PSMD1: variants seen among roughly 807,000 people sequenced by gnomAD.
The protein encoded by PSMD1 is 26S proteasome non-ATPase regulatory subunit 1.
In PSMD1, 18 loss-of-function variants were observed where a neutral mutation model predicts 119.0. The observed-to-expected ratio is 0.15, with a 90% confidence interval of 0.10 to 0.22. The LOEUF (loss-of-function observed/expected upper bound fraction) is 0.22. PSMD1 is among the 10% of genes least tolerant of loss of function. The pLI is 1.00. For synonymous variants in PSMD1, 374 were observed against 396.6 expected (o/e 0.94, Z 0.68); for missense variants, 702 against 1,158.5 (o/e 0.61, Z 5.72).
intron 15 of PSMD1, among the ~76,000 whole-genome samples, chr2:231,086,383 A>G (rs1391057215): frequency 6.6e-6 from 1 of 152,204 alleles, no homozygotes; most frequent in Non-Finnish European, 1.5e-5. Flanking sequence ...GGGGCCGGGC[A>G]TGGTGGCGTA....
intron 16 of PSMD1, chr2:231,113,730 T>A (rs376496630): frequency 6.2e-6 from 10 of 1,612,888 alleles, no homozygotes; most frequent in Non-Finnish European, 8.5e-6. Context: ...TCTACATACC[T>A]ATTGAAATTA....
At chr2:231,157,849 G>A (rs1487006585) in intron 19 of PSMD1, among the ~76,000 whole-genome samples, 4 of 151,902 alleles carry the variant, frequency 2.6e-5, no homozygotes, top group African/African-American at 9.7e-5. Context: ...TTACAGGTGT[G>A]AGCCACCACA....
chr2:231,149,026 G>A (rs1696313184), intron 18 of PSMD1, among the ~76,000 whole-genome samples: 1 of 152,144 alleles, frequency 6.6e-6, no homozygotes, highest in Non-Finnish European at 1.5e-5. Context: ...CCCTCTCAAA[G>A]GAATTCAAAA....
intron 16 of PSMD1, among the ~76,000 whole-genome samples, chr2:231,092,483 G>T (rs1468584702): frequency 6.6e-6 from 1 of 152,162 alleles, no homozygotes; most frequent in Non-Finnish European, 1.5e-5. Context: ...TCCCATACCA[G>T]GTGTAAAGGG....
chr2:231,125,841 AATTAATTACTTATAAATCAGTG>A (rs1041824148), intron 16 of PSMD1, among the ~76,000 whole-genome samples: 1 of 152,218 alleles, frequency 6.6e-6, no homozygotes, highest in African/African-American at 2.4e-5. Context: ...CATATTTTAA[AATTAATTACTTATAAATCAGTG>A]ATGACATTTG....
At chr2:231,129,458 G>A (rs971676125) in intron 16 of PSMD1, among the ~76,000 whole-genome samples, 1 of 151,910 alleles carries the variant, frequency 6.6e-6, no homozygotes, top group South Asian at 2.1e-4. Flanking sequence ...TCCCTCCCTC[G>A]CCCATTTTAG....
Position 231,078,761 on chromosome 2 carries a change from T to C in PSMD1, c.1160+14T>C. On this transcript the variant is annotated intron_variant, in intron 10 of 24. Coordinates refer to ENST00000308696, the MANE Select transcript of PSMD1 (RefSeq NM_002807.4). ...CCAGTTTCTTAGGTAAATATGCTTG[T>C]TGATTTTCACTTTGGTTCAAAATCT... The C allele has an allele frequency of 6.5e-7, 1 of 1,537,950 alleles. No homozygotes were observed. The highest frequency in any genetic ancestry group is 8.8e-7 in the Non-Finnish European group (1 of 1,138,700).
At chr2:231,160,259 G>A (rs530582688) in intron 19 of PSMD1, among the ~76,000 whole-genome samples, 1 of 152,294 alleles carries the variant, frequency 6.6e-6, no homozygotes, top group East Asian at 1.9e-4. Flanking sequence ...CCCTCATTTT[G>A]CTAATGGGAG....
chr2:231,109,056 G>T, intron 16 of PSMD1: 2 of 1,614,176 alleles, frequency 1.2e-6, no homozygotes, highest in Non-Finnish European at 1.7e-6. Flanking sequence ...GATGTTCTTC[G>T]CATAAGTGTT....
chr2:231,135,290 A>G (rs1695941842), intron 16 of PSMD1, among the ~76,000 whole-genome samples: 1 of 152,184 alleles, frequency 6.6e-6, no homozygotes, highest in Admixed American at 6.5e-5. Flanking sequence ...CATTGAAGAA[A>G]AGTTGTCCTA....
At chr2:231,146,399 C>G (rs752141843) in intron 18 of PSMD1, 43 bp downstream of exon 18, 172 of 1,458,380 alleles carry the variant, frequency 1.2e-4, no homozygotes, top group Non-Finnish European at 1.6e-4. Flanking sequence ...ATGGTTTGGT[C>G]TTTTCTTTAG....
intron 11 of PSMD1, 78 bp from the exon 12 acceptor site, chr2:231,080,063 G>T: frequency 7.8e-7 from 1 of 1,288,024 alleles, no homozygotes. Flanking sequence ...TGGGGAAAAG[G>T]CAGTAATCAT....
At chr2:231,147,468 G>A (rs1363172786) in intron 18 of PSMD1, among the ~76,000 whole-genome samples, 1 of 152,210 alleles carries the variant, frequency 6.6e-6, no homozygotes, top group African/African-American at 2.4e-5. Context: ...CTGCACTCCA[G>A]CCTGGGTGAC....
At chr2:231,156,787 A>G (rs992720971) in intron 19 of PSMD1, among the ~76,000 whole-genome samples, 1 of 152,168 alleles carries the variant, frequency 6.6e-6, no homozygotes, top group Non-Finnish European at 1.5e-5. Context: ...GCTAATTAAC[A>G]TATCTGTCAC....
At chr2:231,078,006 G>A (rs184799133) in intron 9 of PSMD1, among the ~76,000 whole-genome samples, 114 of 152,294 alleles carry the variant, frequency 7.5e-4, no homozygotes, top group African/African-American at 2.4e-3. Context: ...GATGGCTTAC[G>A]CCTATAATCC....
At chr2:231,108,534 G>C (rs757151621) in intron 16 of PSMD1, 13 of 1,613,124 alleles carry the variant, frequency 8.1e-6, no homozygotes, top group Non-Finnish European at 1.1e-5. Context: ...TAACTAACTT[G>C]CTCTTCAGTT....
Position 231,165,250 on chromosome 2 carries a change from AGAAAAG to A in PSMD1, c.2538_2543del (p.Glu847_Lys848del). On this transcript the variant is annotated inframe_deletion, in exon 22 of 25. Transcript: ENST00000308696. ...CTGCCAAGGCTAAAAAGAAGGAAAA[AGAAAAG>A]GAAAAAAAGGAGGAGGAGAAAATGG... The A allele has an allele frequency of 5.6e-6, 9 of 1,605,792 alleles. No individual in the cohort carries two copies. The highest frequency in any genetic ancestry group is 7.7e-6 in the Non-Finnish European group (9 of 1,174,534).
rs1696093113 is a variant in PSMD1 at position 231,140,980 on chromosome 2, G to A, written c.1998+2130G>A. Among the ~76,000 whole-genome samples, 3 of 151,934 alleles carry A rather than the reference G, an allele frequency of 2.0e-5. No homozygotes were observed. In the South Asian group the frequency reaches 6.2e-4, roughly 32 times the overall value. Reference sequence around the variant, plus strand: ...GATCAGGAGTTTGAGACCAGCCTGGGTAACTTGGTGAAACCCCTTCTCTAC... The same window carrying A: ...GATCAGGAGTTTGAGACCAGCCTGGATAACTTGGTGAAACCCCTTCTCTAC... On this transcript the variant is annotated intron_variant, in intron 17 of 24. Transcript: ENST00000308696.
At chr2:231,154,344 G>C (rs1265064168) in intron 19 of PSMD1, among the ~76,000 whole-genome samples, 1 of 152,188 alleles carries the variant, frequency 6.6e-6, no homozygotes, top group East Asian at 1.9e-4. Flanking sequence ...TGAGGCAGGA[G>C]AATCACTTGA....
Sources: allele counts gnomAD v4.1 joint callset (sites outside exome capture counted in the v4.1 genomes callset), GRCh38; gene constraint gnomAD v4.1.1; transcripts MANE v1.5; gene names NCBI Gene and HGNC (gene_info 2026-07-23, HGNC 2026-07-21).